NAALADL2: variants seen among roughly 807,000 people sequenced by gnomAD.
NAALADL2 encodes the protein inactive N-acetylated-alpha-linked acidic dipeptidase-like protein 2.
In NAALADL2, 76 loss-of-function variants were observed where a neutral mutation model predicts 87.2. The observed-to-expected ratio is 0.87, with a 90% CI of 0.72 to 1.05. The LOEUF is 1.05. Among genes scored for constraint, NAALADL2 ranks in the 50% least tolerant of loss-of-function variants. The pLI, the probability that NAALADL2 is intolerant of heterozygous loss-of-function variation, is 0.00. For synonymous variants in NAALADL2, 354 were observed against 331.0 expected, an observed-to-expected ratio of 1.07 and a Z score of -0.75; for missense variants, 1,089 against 945.8, an observed-to-expected ratio of 1.15 and a Z score of -1.99.
intron 4 of NAALADL2, among the ~76,000 whole-genome samples, chr3:175,264,387 G>T (rs541682268): frequency 7.8e-4 from 118 of 151,884 alleles, no homozygotes; most frequent in African/African-American, 2.7e-3. Context: ...TCTGTATGAG[G>T]TTCTAAAGAG....
chr3:174,772,705 T>C (rs1560212594), intron 3 of NAALADL2, among the ~76,000 whole-genome samples: 1 of 152,116 alleles, frequency 6.6e-6, no homozygotes, highest in Non-Finnish European at 1.5e-5. Flanking sequence ...CGTTCTGGTA[T>C]TGATAGGTGC....
chr3:175,565,145 A>G (rs7646617), intron 9 of NAALADL2, among the ~76,000 whole-genome samples: 120,038 of 152,110 alleles, frequency 0.79, 47,479 homozygotes, highest in East Asian at 0.88. Flanking sequence ...TTAGGCCAGC[A>G]GTGGAGGTTG....
intron 3 of NAALADL2, among the ~76,000 whole-genome samples, chr3:174,799,851 A>T (rs1253662368): frequency 6.6e-6 from 1 of 152,160 alleles, no homozygotes; most frequent in African/African-American, 2.4e-5. Context: ...AAGGTCCAGG[A>T]TGAGGTGGTC....
chr3:174,832,381 A>C (rs1232348913), intron 3 of NAALADL2, among the ~76,000 whole-genome samples: 1 of 152,150 alleles, frequency 6.6e-6, no homozygotes, highest in Non-Finnish European at 1.5e-5. Flanking sequence ...GTAGTCATTC[A>C]GGAGCAGGAT....
intron 5 of NAALADL2, among the ~76,000 whole-genome samples, chr3:175,435,874 A>C (rs1360826065): frequency 6.6e-6 from 1 of 150,636 alleles, no homozygotes; most frequent in Non-Finnish European, 1.5e-5. Flanking sequence ...TTATACTTTA[A>C]GTTTTAGGGT....
chr3:175,232,054 T>C (rs1745012342), intron 2 of NAALADL2, among the ~76,000 whole-genome samples: 1 of 151,714 alleles, frequency 6.6e-6, no homozygotes. Context: ...AGCTATTCCA[T>C]AAAATTTAGG....
At chr3:174,531,688 C>T (rs968148012) in intron 1 of NAALADL2, among the ~76,000 whole-genome samples, 10 of 152,054 alleles carry the variant, frequency 6.6e-5, no homozygotes, top group African/African-American at 1.2e-4. Context: ...TTGGTAAACT[C>T]GATTCTGTTT....
intron 9 of NAALADL2, among the ~76,000 whole-genome samples, chr3:175,553,721 G>A (rs1258848028): frequency 6.7e-6 from 1 of 149,936 alleles, no homozygotes; most frequent in African/African-American, 2.5e-5. Flanking sequence ...CACCAAATTA[G>A]GTATTTTATA....
upstream of NAALADL2, among the ~76,000 whole-genome samples, chr3:174,858,302 A>G (rs1162082434): frequency 8.6e-5 from 13 of 151,620 alleles, no homozygotes; most frequent in African/African-American, 2.4e-5. Context: ...ATTGTTTTTT[A>G]TTCTAGGTGC....
intron 2 of NAALADL2, among the ~76,000 whole-genome samples, chr3:174,583,159 T>C (rs755153954): frequency 1.3e-5 from 2 of 152,204 alleles, no homozygotes; most frequent in Non-Finnish European, 2.9e-5. Flanking sequence ...GATGGCAAAG[T>C]CCAGTGTAAA....
chr3:174,943,746 G>C (rs185200538), intron 1 of NAALADL2, among the ~76,000 whole-genome samples: 272 of 152,300 alleles, frequency 1.8e-3, no homozygotes, highest in African/African-American at 6.3e-3. Flanking sequence ...CAGGGTGTGT[G>C]TGGGACCCAT....
intron 11 of NAALADL2, among the ~76,000 whole-genome samples, chr3:175,688,906 A>G (rs544495862): frequency 6.6e-6 from 1 of 152,302 alleles, no homozygotes; most frequent in East Asian, 1.9e-4. Context: ...CCTGGATTGC[A>G]GTTTCCTTCA....
At chr3:174,513,118 C>T (rs71310587) in intron 1 of NAALADL2, among the ~76,000 whole-genome samples, 3,617 of 152,058 alleles carry the variant, frequency 0.024, 62 homozygotes, top group Non-Finnish European at 0.035. Context: ...TGTGCCACCA[C>T]GCCTGGCTAA....
intron 5 of NAALADL2, among the ~76,000 whole-genome samples, chr3:175,374,553 GAAAAAAAA>G (rs765485400): frequency 0.18 from 8,294 of 45,708 alleles, 618 homozygotes; most frequent in Middle Eastern, 0.36. Flanking sequence ...TGCATCTCCA[GAAAAAAAA>G]AAAAAAAAAA....
At position 175,234,136 on chromosome 3, in the gene NAALADL2, G is replaced by A. The variant is rs748882147; in HGVS notation, c.751G>A (p.Ala251Thr). 23 of 1,613,874 alleles carry A rather than the reference G, an allele frequency of 1.4e-5. No individual in the cohort carries two copies. The highest frequency in any genetic ancestry group is 1.4e-5 in the Non-Finnish European group (16 of 1,179,816). ...TAATGGCCAGCCTTGCAGTGAAGAA[G>A]CCAGAAAAGATAGCAGCCAAGACCT... The part of the protein sequence containing the change: ...HPNGQPCSEE[A>T]RKDSSQDLLY... The change falls in exon 3 of 14, where the codon GCC (alanine) becomes ACC (threonine). Residue 251 changes from alanine to threonine, a missense_variant. Ala to Thr is a moderately conservative substitution (Grantham distance 58). Transcript: ENST00000454872.
intron 4 of NAALADL2, among the ~76,000 whole-genome samples, chr3:175,320,315 G>T (rs115967231): frequency 0.014 from 2,120 of 152,268 alleles, 56 homozygotes; most frequent in African/African-American, 0.048. Context: ...CTTATGTATT[G>T]TGTGCTTACC....
intron 2 of NAALADL2, among the ~76,000 whole-genome samples, chr3:175,161,257 C>T (rs1733162246): frequency 6.6e-6 from 1 of 151,502 alleles, no homozygotes; most frequent in South Asian, 2.1e-4. Context: ...AGCAAAACAG[C>T]AACAACAAAC....
Position 174,781,147 on chromosome 3 carries a change from C to T in NAALADL2, c.-9+43401C>T, listed in dbSNP as rs565048199. On this transcript the variant is annotated intron_variant, in intron 3 of 3. Transcript: ENST00000434257. Reference sequence around the variant, plus strand: ...CTTGTAGGGTTTCTGCAGAGAGATCCGCTGTTAGTCTTACGGCTTCCCTTT... The same window carrying T: ...CTTGTAGGGTTTCTGCAGAGAGATCTGCTGTTAGTCTTACGGCTTCCCTTT... Among the ~76,000 whole-genome samples the T allele has an allele frequency of 7.9e-5, 12 of 152,108 alleles. No individual in the cohort carries two copies. In the East Asian group the frequency reaches 1.2e-3, roughly 15 times the overall value.
intron 2 of NAALADL2, among the ~76,000 whole-genome samples, chr3:174,711,004 A>G (rs776548756): frequency 7.9e-5 from 12 of 152,140 alleles, no homozygotes; most frequent in Non-Finnish European, 1.6e-4. Flanking sequence ...AGCCACATCA[A>G]AGAAAATTCT....
Sources: allele counts gnomAD v4.1 joint callset (sites outside exome capture counted in the v4.1 genomes callset), GRCh38; gene constraint gnomAD v4.1.1; transcripts MANE v1.5; gene names NCBI Gene and HGNC (gene_info 2026-07-23, HGNC 2026-07-21).